GNAL: variants seen among roughly 807,000 people sequenced by gnomAD.
GNAL encodes the protein G protein subunit alpha L.
GNAL carries 18 observed loss-of-function variants against 55.1 expected under a neutral mutation model. The ratio of observed to expected loss-of-function variants is 0.33; its 90% CI spans 0.23 to 0.48. GNAL has a LOEUF of 0.48. Among genes scored for constraint, GNAL ranks in the 20% least tolerant of loss-of-function variants. The probability of loss-of-function intolerance (pLI) is 0.99; values close to 1 mark genes in which losing one functional copy is unlikely to be tolerated. For missense variants in GNAL, 412 were observed against 614.1 expected, an observed-to-expected ratio of 0.67 and a Z score of 3.48; for synonymous variants, 253 against 237.0, an observed-to-expected ratio of 1.07 and a Z score of -0.62.
intron 4 of GNAL, among the ~76,000 whole-genome samples, chr18:11,757,911 T>G (rs1598433227): frequency 6.6e-6 from 1 of 150,496 alleles, no homozygotes; most frequent in Non-Finnish European, 1.5e-5. Context: ...AGGTGGAGGG[T>G]ATTGAGGAGA....
At chr18:11,747,232 G>A (rs535549517) in intron 1 of GNAL, 33 of 352,012 alleles carry the variant, frequency 9.4e-5, no homozygotes, top group Non-Finnish European at 1.5e-4. Flanking sequence ...ATGAGGTGGA[G>A]AAACAGCTCC....
chr18:11,726,903 C>G (rs2032223688), intron 1 of GNAL, among the ~76,000 whole-genome samples: 1 of 151,792 alleles, frequency 6.6e-6, no homozygotes, highest in South Asian at 2.1e-4. Flanking sequence ...GCTGGTTGGA[C>G]AGAATGGGAC....
chr18:11,880,857 T>C, intron 11 of GNAL, 132 bp from the exon 12 acceptor site: 2 of 886,528 alleles, frequency 2.3e-6, no homozygotes, highest in East Asian at 2.6e-5. Context: ...CATTCCTGCC[T>C]CTAAGTGCTC....
chr18:11,821,809 GCTT>G, intron 4 of GNAL, among the ~76,000 whole-genome samples: 1 of 152,170 alleles, frequency 6.6e-6, no homozygotes, highest in Non-Finnish European at 1.5e-5. Flanking sequence ...CCCAGTAAAT[GCTT>G]CAGAGCTAGA....
At chr18:11,801,746 G>A (rs185387250) in intron 4 of GNAL, among the ~76,000 whole-genome samples, 2 of 152,098 alleles carry the variant, frequency 1.3e-5, no homozygotes, top group Non-Finnish European at 2.9e-5. Context: ...GATGTGGCTC[G>A]TGATAGCAAG....
chr18:11,729,802 C>T (rs920354614), intron 1 of GNAL, among the ~76,000 whole-genome samples: 1 of 152,140 alleles, frequency 6.6e-6, no homozygotes, highest in Non-Finnish European at 1.5e-5. Context: ...AAAACACAAA[C>T]CCAGGAAGCC....
At chr18:11,708,950 G>A (rs1022545544) in intron 1 of GNAL, among the ~76,000 whole-genome samples, 18 of 152,156 alleles carry the variant, frequency 1.2e-4, no homozygotes, top group African/African-American at 3.4e-4. Context: ...TTACAATTAC[G>A]TCTTTAATCC....
At chr18:11,765,335 G>A (rs1169158344) in intron 4 of GNAL, among the ~76,000 whole-genome samples, 1 of 152,178 alleles carries the variant, frequency 6.6e-6, no homozygotes, top group Non-Finnish European at 1.5e-5. Flanking sequence ...GTGATATTTT[G>A]ATGCAAGCAT....
chr18:11,818,012 G>A (rs2035003272), intron 4 of GNAL, among the ~76,000 whole-genome samples: 1 of 151,094 alleles, frequency 6.6e-6, no homozygotes, highest in Admixed American at 6.6e-5. Context: ...GAGACGGGCG[G>A]ATCACTTGAG....
At chr18:11,826,033 T>C (rs2035235160) in intron 5 of GNAL, among the ~76,000 whole-genome samples, 1 of 152,182 alleles carries the variant, frequency 6.6e-6, no homozygotes, top group African/African-American at 2.4e-5. Flanking sequence ...AGAGATTCCA[T>C]AGCATAAAAT....
chr18:11,755,429 T>C (rs1009043804), intron 4 of GNAL, among the ~76,000 whole-genome samples: 1 of 151,994 alleles, frequency 6.6e-6, no homozygotes, highest in African/African-American at 2.4e-5. Flanking sequence ...GCCCGCCACC[T>C]CACCCGGCTA....
chr18:11,766,741 T>C (rs972363271), intron 4 of GNAL, among the ~76,000 whole-genome samples: 1 of 152,022 alleles, frequency 6.6e-6, no homozygotes, highest in Non-Finnish European at 1.5e-5. Context: ...AATGCCGGAG[T>C]ACTTAATTGC....
chr18:11,753,460 G>A (rs2032930814), intron 2 of GNAL, 168 bp from the exon 3 acceptor site: 7 of 564,310 alleles, frequency 1.2e-5, no homozygotes, highest in Non-Finnish European at 3.2e-6. Flanking sequence ...AAAGAAGGGT[G>A]CTTTCCTTTC....
Position 11,689,724 on chromosome 18 carries a change from C to A in GNAL, c.161C>A (p.Pro54His). 1 of 1,498,704 alleles carries A rather than the reference C, an allele frequency of 6.7e-7. No individual in the cohort carries two copies. 92.8% of individuals were successfully genotyped at this position (1,498,704 alleles called of 1,614,324 possible). The change falls in exon 1 of 12, where the codon CCT (proline) becomes CAT (histidine). Residue 54 changes from proline to histidine, a missense_variant. Physicochemically the swap from Pro to His is moderately conservative, Grantham distance 77 (BLOSUM62 -2). Around this residue, in one of 5 missense-constraint regions of GNAL, gnomAD observed 228 missense variants for 194.8 expected, o/e 1.17. Transcript: ENST00000334049. ...AARDTARTLL[P>H]RGGEGSPACA... ...AGGGACACGGCCCGGACCCTGCTCC[C>A]TCGGGGCGGCGAAGGGAGCCCGGCA...
chr18:11,849,984 G>T (rs2035821323), intron 5 of GNAL, among the ~76,000 whole-genome samples: 1 of 152,212 alleles, frequency 6.6e-6, no homozygotes. Context: ...GTGCCCTGTA[G>T]TATGGCCACA....
chr18:11,698,106 G>A (rs1266689789), intron 1 of GNAL, among the ~76,000 whole-genome samples: 2 of 152,172 alleles, frequency 1.3e-5, no homozygotes, highest in East Asian at 1.9e-4. Flanking sequence ...GAAGAAGAGC[G>A]TGAAGAATGA....
chr18:11,772,635 A>G (rs79132064), intron 4 of GNAL, among the ~76,000 whole-genome samples: 2,624 of 152,274 alleles, frequency 0.017, 92 homozygotes, highest in African/African-American at 0.061. Context: ...GCAACTCTCT[A>G]CGAGACTTGT....
rs545508244 is a variant in GNAL at position 11,854,863 on chromosome 18, A to C, written c.723-7532A>C. Reference sequence around the variant, plus strand: ...TTCCAAATTCACCCTCAGTCTTAGCACTTAAATTTTTGTTTGGTTAGTATG... The same window carrying C: ...TTCCAAATTCACCCTCAGTCTTAGCCCTTAAATTTTTGTTTGGTTAGTATG... On this transcript the variant is annotated intron_variant, in intron 5 of 11. Transcript: ENST00000334049. Among the ~76,000 whole-genome samples the C allele has an allele frequency of 3.9e-5, 6 of 151,980 alleles. No homozygotes were observed. The East Asian group carries it at 1.2e-3, about 29-fold the overall frequency.
At chr18:11,817,862 T>C (rs541773922) in intron 4 of GNAL, among the ~76,000 whole-genome samples, 74 of 152,166 alleles carry the variant, frequency 4.9e-4, no homozygotes, top group African/African-American at 1.6e-3. Flanking sequence ...GTGTCGGTAT[T>C]ACAGGCGTGA....
Sources: allele counts gnomAD v4.1 joint callset (sites outside exome capture counted in the v4.1 genomes callset), GRCh38; gene constraint gnomAD v4.1.1; regional missense constraint gnomAD v4.1.1; transcripts MANE v1.5; gene names NCBI Gene and HGNC (gene_info 2026-07-23, HGNC 2026-07-21).